CCDC171: variants seen among roughly 807,000 people sequenced by gnomAD.
The protein encoded by CCDC171 is coiled-coil domain containing 171.
A neutral mutation model predicts 168.2 loss-of-function variants in CCDC171; 177 were observed. That is an observed-to-expected ratio of 1.05 (90% CI 0.93 to 1.19). The LOEUF (loss-of-function observed/expected upper bound fraction) is 1.19. CCDC171 is among the 50% of genes most tolerant of loss of function. CCDC171 has a pLI of 0.00. For missense variants in CCDC171, 1,991 were observed against 1,539.0 expected, an observed-to-expected ratio of 1.29 and a Z score of -4.91; for synonymous variants, 687 against 540.8, an observed-to-expected ratio of 1.27 and a Z score of -3.75.
At chr9:15,798,395 A>G (rs2058661139) in intron 21 of CCDC171, among the ~76,000 whole-genome samples, 1 of 151,882 alleles carries the variant, frequency 6.6e-6, no homozygotes, top group Non-Finnish European at 1.5e-5. Flanking sequence ...TTTTTGTAAT[A>G]TTTATTTCTG....
At chr9:15,909,093 A>T (rs1823213664) in intron 24 of CCDC171, among the ~76,000 whole-genome samples, 1 of 152,200 alleles carries the variant, frequency 6.6e-6, no homozygotes, top group Non-Finnish European at 1.5e-5. Flanking sequence ...ATAAGTCTTT[A>T]AAAATAATAA....
intron 21 of CCDC171, among the ~76,000 whole-genome samples, chr9:15,811,852 A>G (rs529484645): frequency 1.2e-4 from 19 of 152,338 alleles, no homozygotes; most frequent in African/African-American, 4.1e-4. Context: ...TGTAACCAGT[A>G]CCTAAAGTGT....
intron 3 of CCDC171, among the ~76,000 whole-genome samples, chr9:16,019,394 G>A (rs1324957221): frequency 6.6e-6 from 1 of 152,218 alleles, no homozygotes; most frequent in Non-Finnish European, 1.5e-5. Flanking sequence ...GCCATCTCAA[G>A]TAGAGACTAA....
chr9:16,083,238 C>T, the CCDC171 span, among the ~76,000 whole-genome samples: 16 of 152,226 alleles, frequency 1.1e-4, no homozygotes, highest in East Asian at 3.9e-4. Flanking sequence ...TTTATCCTCG[C>T]GATAATCCTG....
chr9:15,992,634 C>A (rs913298902), intron 3 of CCDC171, among the ~76,000 whole-genome samples: 1 of 151,952 alleles, frequency 6.6e-6, no homozygotes, highest in South Asian at 2.1e-4. Context: ...TATTCAACTA[C>A]GAAAAGAGGA....
At chr9:15,729,078 T>G (rs1024825622) in intron 15 of CCDC171, among the ~76,000 whole-genome samples, 2 of 152,166 alleles carry the variant, frequency 1.3e-5, no homozygotes, top group Non-Finnish European at 2.9e-5. Context: ...AAAATGAATG[T>G]GTTTTAACCC....
downstream of CCDC171, among the ~76,000 whole-genome samples, chr9:15,978,761 C>A (rs1248397815): frequency 6.6e-6 from 1 of 152,114 alleles, no homozygotes; most frequent in Non-Finnish European, 1.5e-5. Flanking sequence ...ACGTAACATA[C>A]AATGTATCCT....
chr9:15,945,894 A>G (rs1169811973), intron 25 of CCDC171, among the ~76,000 whole-genome samples: 1 of 149,986 alleles, frequency 6.7e-6, no homozygotes, highest in Non-Finnish European at 1.5e-5. Flanking sequence ...ATTAGATCCC[A>G]TTTGTCAATT....
In CCDC171 at chr9:15,971,690, T is replaced by C. The variant is rs779843704; in HGVS notation, c.3835T>C (p.Leu1279=). 1.2e-6 allele frequency: 2 copies of C among 1,613,900 alleles called. No homozygotes were observed. Among genetic ancestry groups the C allele is most frequent in the Non-Finnish European group, 1.7e-6 (2 of 1,179,842 alleles). ...TGACACAACTGGTATTGGGGATTTC[T>C]TACCATTGAAAGCTGAACTTGATAC... ...PADTTGIGDF[L]PLKAELDTTY... The change falls in exon 26 of 26, where the codon TTA becomes CTA. Residue 1279 remains leucine, a synonymous_variant. Coordinates refer to ENST00000380701, the MANE Select transcript of CCDC171 (RefSeq NM_173550.4).
At chr9:15,565,592 G>T (rs1354948877) in intron 2 of CCDC171, among the ~76,000 whole-genome samples, 1 of 151,968 alleles carries the variant, frequency 6.6e-6, no homozygotes, top group Non-Finnish European at 1.5e-5. Context: ...TGCCTTTTTT[G>T]AACAATTCAT....
At chr9:15,684,254 T>C (rs542707345) in intron 10 of CCDC171, among the ~76,000 whole-genome samples, 1 of 152,198 alleles carries the variant, frequency 6.6e-6, no homozygotes, top group South Asian at 2.1e-4. Flanking sequence ...ACTTAAAAGT[T>C]TTACTTGAGT....
intron 3 of CCDC171, among the ~76,000 whole-genome samples, chr9:15,996,715 G>A (rs941152970): frequency 6.6e-6 from 1 of 152,054 alleles, no homozygotes. Context: ...GGATATACAA[G>A]TATTATTATT....
At chr9:16,065,375 C>T (rs564661294), downstream of CCDC171, among the ~76,000 whole-genome samples, 1 of 152,102 alleles carries the variant, frequency 6.6e-6, no homozygotes, top group East Asian at 1.9e-4. Context: ...GCCAGCACCT[C>T]GGGGCTAATG....
At chr9:15,871,074 G>C (rs866175609) in intron 23 of CCDC171, among the ~76,000 whole-genome samples, 6 of 151,404 alleles carry the variant, frequency 4.0e-5, no homozygotes, top group African/African-American at 7.3e-5. Flanking sequence ...CATGTAATAA[G>C]AAAGGGAGAA....
intron 1 of CCDC171, among the ~76,000 whole-genome samples, chr9:15,554,271 C>A (rs561008279): frequency 2.0e-5 from 3 of 152,200 alleles, no homozygotes; most frequent in Non-Finnish European, 4.4e-5. Flanking sequence ...CCGCCCGCCT[C>A]GGCCTCCCAA....
At chr9:15,583,459 C>T (rs1158215591) in intron 4 of CCDC171, among the ~76,000 whole-genome samples, 1 of 150,174 alleles carries the variant, frequency 6.7e-6, no homozygotes, top group Non-Finnish European at 1.5e-5. Context: ...AGGAATACTA[C>T]TGAGCCATAA....
intron 25 of CCDC171, among the ~76,000 whole-genome samples, chr9:15,951,321 A>AT (rs139052230): frequency 6.6e-6 from 1 of 151,580 alleles, no homozygotes; most frequent in Non-Finnish European, 1.5e-5. Flanking sequence ...CAGAATATAC[A>AT]TTTTTTTCAG....
chr9:15,779,020 A>G lies in CCDC171; in HGVS notation c.2951A>G (p.His984Arg), dbSNP rs199692729. 6.3e-7 allele frequency: 1 copy of G among 1,590,952 alleles called. No homozygotes were observed. The highest frequency in any genetic ancestry group is 2.3e-5 in the East Asian group (1 of 44,172). ...KQILGFTQRL[H>R]AAEVERRSLR... Reference sequence around the variant, plus strand: ...ATACTTGGATTTACACAAAGACTGCATGCTGCAGAAGTGGAGCGCCGCTCA... The same window carrying G: ...ATACTTGGATTTACACAAAGACTGCGTGCTGCAGAAGTGGAGCGCCGCTCA... Residue 984 changes from histidine to arginine, a missense_variant, in exon 20 of 26, where the codon CAT (histidine) becomes CGT (arginine). Physicochemically the swap from His to Arg is conservative, Grantham distance 29. Transcript: ENST00000380701.
chr9:15,962,220 C>G (rs1306233820), intron 25 of CCDC171, among the ~76,000 whole-genome samples: 1 of 152,156 alleles, frequency 6.6e-6, no homozygotes, highest in Non-Finnish European at 1.5e-5. Flanking sequence ...TTATCTAGCT[C>G]TTTACAAAGG....
Sources: gnomAD v4.1 joint callset for allele counts (sites outside exome capture counted in the v4.1 genomes callset) on GRCh38, gnomAD v4.1.1 for gene constraint, MANE v1.5 for transcripts, NCBI Gene and HGNC (gene_info 2026-07-23, HGNC 2026-07-21) for gene names.